The following IRAG2 variants were observed in gnomAD, a reference collection of about 807,000 sequenced individuals.
IRAG2 encodes inositol 1,4,5-triphosphate receptor associated 2.
A neutral mutation model predicts 69.9 loss-of-function variants in IRAG2; 45 were observed. That is an observed-to-expected ratio of 0.64 (90% CI 0.51 to 0.83). IRAG2 has a LOEUF of 0.83. Among genes scored for constraint, IRAG2 ranks in the 40% least tolerant of loss-of-function variants. The pLI, the probability that IRAG2 is intolerant of heterozygous loss-of-function variation, is 0.00. For synonymous variants in IRAG2, 193 were observed against 202.4 expected, an observed-to-expected ratio of 0.95 and a Z score of 0.40; for missense variants, 520 against 587.0, an observed-to-expected ratio of 0.89 and a Z score of 1.18.
At chr12:25,024,780 T>C (rs1481468075) in intron 8 of IRAG2, among the ~76,000 whole-genome samples, 3 of 152,202 alleles carry the variant, frequency 2.0e-5, no homozygotes. Context: ...AAGGCCAGGC[T>C]TTTGTGAAAC....
Position 25,104,042 on chromosome 12 carries a change from A to G in IRAG2, c.1030A>G (p.Arg344Gly). 1.9e-6 allele frequency: 3 copies of G among 1,613,534 alleles called. No homozygotes were observed. The highest frequency in any genetic ancestry group is 2.5e-6 in the Non-Finnish European group (3 of 1,179,758). Residue 344 changes from arginine to glycine, a missense_variant, in exon 19 of 22, where the codon AGA (arginine) becomes GGA (glycine). Physicochemically the swap from Arg to Gly is moderately radical, Grantham distance 125. Transcript: ENST00000556887. ...GATGGAAAATAATGATCGATTCAGT[A>G]GAAGGTCAAGCAGTTGGTAAGTGTA... is the stretch of plus-strand genomic sequence containing the variant. ...AGMENNDRFS[R>G]RSSSWRILGS...
intron 6 of IRAG2, among the ~76,000 whole-genome samples, chr12:25,072,806 G>A (rs1243051068): frequency 2.0e-5 from 3 of 152,158 alleles, no homozygotes; most frequent in Non-Finnish European, 2.9e-5. Flanking sequence ...GTTGTGTATG[G>A]TTGTGCCTGT....
the IRAG2 span, among the ~76,000 whole-genome samples, chr12:24,997,911 T>C: frequency 2.0e-5 from 3 of 152,258 alleles, no homozygotes; most frequent in Admixed American, 2.0e-4. Flanking sequence ...CCAGATATGT[T>C]GCTGTCACCA....
intron 9 of IRAG2, among the ~76,000 whole-genome samples, chr12:25,080,072 A>G (rs1947093176): frequency 6.6e-6 from 1 of 152,180 alleles, no homozygotes; most frequent in African/African-American, 2.4e-5. Flanking sequence ...CTGGGTTTCA[A>G]CTGTAGCACA....
chr12:25,035,716 C>G, exon 14 of IRAG2: 1 of 399,006 alleles, frequency 2.5e-6, no homozygotes, highest in Non-Finnish European at 4.4e-6. Flanking sequence ...CATGATGGAT[C>G]AGGAAATGCT....
chr12:25,070,396 T>C (rs939433605), intron 6 of IRAG2, among the ~76,000 whole-genome samples: 6 of 152,194 alleles, frequency 3.9e-5, no homozygotes, highest in African/African-American at 1.4e-4. Context: ...CCCAGCTTCT[T>C]TCAGTTAAGG....
At chr12:25,075,450 T>G (rs529508228) in intron 6 of IRAG2, among the ~76,000 whole-genome samples, 8 of 152,240 alleles carry the variant, frequency 5.3e-5, no homozygotes, top group African/African-American at 1.9e-4. Context: ...CCAATTAATC[T>G]TAAAAGTTAT....
At chr12:25,017,338 T>C (rs76614367) in intron 6 of IRAG2, 30,626 of 1,228,618 alleles carry the variant, frequency 0.025, 496 homozygotes, top group East Asian at 0.091. Context: ...TCATTTCTTT[T>C]TTCTTTTTTT....
intron 6 of IRAG2, among the ~76,000 whole-genome samples, chr12:25,077,198 A>T (rs868141095): frequency 2.8e-4 from 18 of 63,530 alleles, no homozygotes; most frequent in South Asian, 1.2e-3. Context: ...ATATATATGA[A>T]ATATATATAT....
At chr12:25,017,922 A>C (rs572878041) in intron 6 of IRAG2, among the ~76,000 whole-genome samples, 1 of 152,296 alleles carries the variant, frequency 6.6e-6, no homozygotes, top group East Asian at 1.9e-4. Context: ...TGGGCATTAC[A>C]TATAAATGGA....
At chr12:25,041,563 C>T (rs907058654) in intron 16 of IRAG2, among the ~76,000 whole-genome samples, 5 of 151,842 alleles carry the variant, frequency 3.3e-5, no homozygotes, top group Admixed American at 3.3e-4. Flanking sequence ...CTCACTGGAA[C>T]CTCCACCTCC....
chr12:25,005,882 T>C, intron 2 of IRAG2, among the ~76,000 whole-genome samples: 1 of 152,120 alleles, frequency 6.6e-6, no homozygotes, highest in East Asian at 1.9e-4. Context: ...AAACAAAAAT[T>C]GACAAGCGGG....
chr12:25,107,111 C>A, intron 21 of IRAG2, 61 bp downstream of exon 21: 2 of 868,960 alleles, frequency 2.3e-6, no homozygotes, highest in Admixed American at 2.2e-5. Flanking sequence ...TGAGGCAGGG[C>A]TGACAGTATT....
At chr12:25,041,107 G>C (rs543296553) in intron 16 of IRAG2, among the ~76,000 whole-genome samples, 1 of 152,280 alleles carries the variant, frequency 6.6e-6, no homozygotes, top group East Asian at 1.9e-4. Context: ...GTTCCAGGCA[G>C]AGCAAGGAGC....
At chr12:25,087,514 G>C (rs1332702482) in intron 10 of IRAG2, among the ~76,000 whole-genome samples, 1 of 152,008 alleles carries the variant, frequency 6.6e-6, no homozygotes, top group Admixed American at 6.6e-5. Context: ...CATTTATTTG[G>C]CAATTAATCC....
intron 1 of IRAG2, among the ~76,000 whole-genome samples, chr12:25,060,551 A>G (rs922762648): frequency 6.6e-6 from 1 of 151,850 alleles, no homozygotes; most frequent in Non-Finnish European, 1.5e-5. Flanking sequence ...TCTGAGATCT[A>G]CTTGTAGGAT....
intron 8 of IRAG2, 48 bp downstream of exon 8, chr12:25,079,510 C>A: frequency 6.5e-7 from 1 of 1,528,264 alleles, no homozygotes; most frequent in South Asian, 1.1e-5. Flanking sequence ...AGTATTACAG[C>A]TTTCAGCCTG....
Position 25,029,667 on chromosome 12 carries a change from G to GTT in IRAG2, c.1462-600_1462-599dup, listed in dbSNP as rs36093595. Among the ~76,000 whole-genome samples, 595 of 145,594 alleles carry GTT rather than the reference G, an allele frequency of 4.1e-3. 4 individuals are homozygous for GTT. Among genetic ancestry groups the GTT allele is most frequent in the African/African-American group, 0.015 (570 of 37,914 alleles). ...GAAATCTTAAGCATTGTTACAATAT[G>GTT]TTTTTTTTTTTTATTTAAATTTTAG... is the stretch of plus-strand genomic sequence containing the variant. On this transcript the variant is annotated intron_variant, in intron 9 of 38. Transcript: ENST00000636465.
chr12:25,060,989 G>T lies in IRAG2; in HGVS notation c.-446-603G>T, dbSNP rs187875853. 5.8e-4 allele frequency among the ~76,000 whole-genome samples: 88 copies of T among 152,158 alleles called. 2 individuals carry two copies. Among genetic ancestry groups the T allele is most frequent in the African/African-American group, 2.0e-3 (85 of 41,510 alleles). On this transcript the variant is annotated intron_variant, in intron 1 of 21. Transcript: ENST00000556887. ...GGCCTAAGATGTATTCTTAGCTTAA[G>T]ATTAGACAATTCTGTGACTCACTTC...
Sources: gnomAD v4.1 joint callset for allele counts (sites outside exome capture counted in the v4.1 genomes callset) on GRCh38, gnomAD v4.1.1 for gene constraint, MANE v1.5 for transcripts, NCBI Gene and HGNC (gene_info 2026-07-23, HGNC 2026-07-21) for gene names.